The following SMAP1 variants were observed in gnomAD, a reference collection of about 807,000 sequenced individuals.
SMAP1 encodes the protein small ArfGAP 1, also known as stromal membrane-associated protein 1.
Under a neutral mutation model 58.5 loss-of-function variants are expected in SMAP1, and 24 were observed. The ratio of observed to expected loss-of-function variants is 0.41; its 90% CI spans 0.30 to 0.58. SMAP1 has a LOEUF of 0.58. Ranked by LOEUF, SMAP1 falls within the 20% of genes least tolerant of loss-of-function variation. The pLI is 0.29. For missense variants in SMAP1, 563 were observed against 566.3 expected (o/e 0.99, Z 0.06); for synonymous variants, 216 against 196.6 (o/e 1.10, Z -0.82).
intron 6 of SMAP1, among the ~76,000 whole-genome samples, chr6:70,818,961 CT>C (rs1769764626): frequency 1.3e-5 from 2 of 152,116 alleles, no homozygotes; most frequent in Non-Finnish European, 2.9e-5. Context: ...GCCATCACCG[CT>C]GTCAGTTTTA....
chr6:70,738,150 T>C (rs181830237), intron 2 of SMAP1, among the ~76,000 whole-genome samples: 1 of 152,326 alleles, frequency 6.6e-6, no homozygotes, highest in Non-Finnish European at 1.5e-5. Context: ...GTAGTTTAGA[T>C]GACTCTGAAG....
intron 4 of SMAP1, among the ~76,000 whole-genome samples, chr6:70,780,628 T>C (rs772669951): frequency 4.0e-4 from 61 of 152,220 alleles, no homozygotes; most frequent in Non-Finnish European, 5.4e-4. Context: ...CTTCCCTTGC[T>C]CACTTACCAG....
chr6:70,670,867 C>T (rs1471541040), intron 1 of SMAP1, among the ~76,000 whole-genome samples: 1 of 152,198 alleles, frequency 6.6e-6, no homozygotes, highest in Non-Finnish European at 1.5e-5. Context: ...TACTGAATCA[C>T]CAGCTGTGTT....
chr6:70,722,143 C>T (rs767594036), intron 1 of SMAP1, among the ~76,000 whole-genome samples: 32 of 152,252 alleles, frequency 2.1e-4, no homozygotes, highest in South Asian at 6.2e-4. Flanking sequence ...AGGGCAGTGC[C>T]ACATAAATAA....
At position 70,798,645 on chromosome 6, in the gene SMAP1, G is replaced by T; in HGVS notation, c.496-12G>T. 1 of 1,493,474 alleles carries T rather than the reference G, an allele frequency of 6.7e-7. No individual in the cohort carries two copies. The highest frequency in any genetic ancestry group is 8.9e-7 in the Non-Finnish European group (1 of 1,123,086). The allele number at this position is 1,493,474 out of a possible 1,614,324, so 92.5% of individuals were successfully genotyped here. A position where few individuals can be genotyped will look rare whatever the true frequency, so the allele number is the denominator to read the frequency against. On this transcript the variant is annotated splice_polypyrimidine_tract_variant and intron_variant, in intron 5 of 10. Transcript: ENST00000370455. ...AAAAGTAAACTTATCAAAACTTTGG[G>T]CTGTGTTTTAGAAAGAAAAGGAAAA...
At chr6:70,794,154 C>G (rs1768495042) in intron 5 of SMAP1, among the ~76,000 whole-genome samples, 1 of 152,218 alleles carries the variant, frequency 6.6e-6, no homozygotes, top group African/African-American at 2.4e-5. Flanking sequence ...TCAGCTGTTT[C>G]ACTACGTCAC....
At chr6:70,803,835 A>G (rs1768982561) in intron 6 of SMAP1, among the ~76,000 whole-genome samples, 1 of 152,074 alleles carries the variant, frequency 6.6e-6, no homozygotes, top group Admixed American at 6.5e-5. Flanking sequence ...TCCTAATTTG[A>G]TTGTACTGTG....
At chr6:70,714,012 A>G (rs1409406745) in intron 1 of SMAP1, among the ~76,000 whole-genome samples, 1 of 151,976 alleles carries the variant, frequency 6.6e-6, no homozygotes, top group South Asian at 2.1e-4. Context: ...TTGTCTCTAG[A>G]GACAGTTTTT....
At chr6:70,771,801 G>C (rs185372244) in intron 3 of SMAP1, among the ~76,000 whole-genome samples, 49 of 152,228 alleles carry the variant, frequency 3.2e-4, no homozygotes, top group South Asian at 8.3e-4. Flanking sequence ...AGATGAATCC[G>C]GTACCTCAGA....
chr6:70,796,952 G>A (rs1768632248), intron 5 of SMAP1, among the ~76,000 whole-genome samples: 1 of 152,022 alleles, frequency 6.6e-6, no homozygotes, highest in East Asian at 1.9e-4. Flanking sequence ...TTCTTCTTTT[G>A]TTGCAAAGCA....
chr6:70,770,947 T>C (rs6916698), intron 3 of SMAP1, among the ~76,000 whole-genome samples: 5,208 of 152,284 alleles, frequency 0.034, 321 homozygotes, highest in African/African-American at 0.12. Flanking sequence ...TCCTTTCTGT[T>C]TGTTAGTTTT....
intron 6 of SMAP1, among the ~76,000 whole-genome samples, chr6:70,818,853 T>A (rs759619724): frequency 5.3e-5 from 8 of 152,198 alleles, no homozygotes; most frequent in Non-Finnish European, 1.5e-5. Context: ...ACTTTTAAAA[T>A]ATCAACTTTA....
intron 1 of SMAP1, among the ~76,000 whole-genome samples, chr6:70,689,677 A>G (rs558138857): frequency 1.6e-4 from 25 of 152,316 alleles, no homozygotes; most frequent in South Asian, 6.2e-4. Context: ...ACATCTTTTA[A>G]TATAGAGTCT....
At chr6:70,832,676 C>A (rs1210880192) in intron 6 of SMAP1, among the ~76,000 whole-genome samples, 1 of 152,184 alleles carries the variant, frequency 6.6e-6, no homozygotes, top group South Asian at 2.1e-4. Context: ...CATGCTGTAT[C>A]ATCCCATGGT....
chr6:70,742,947 C>A (rs945414482), intron 2 of SMAP1, among the ~76,000 whole-genome samples: 1 of 152,050 alleles, frequency 6.6e-6, no homozygotes, highest in Non-Finnish European at 1.5e-5. Context: ...AGGGGAAAAC[C>A]GCCCCCATGA....
intron 1 of SMAP1, among the ~76,000 whole-genome samples, chr6:70,684,027 T>C (rs1260870722): frequency 6.6e-6 from 1 of 152,220 alleles, no homozygotes; most frequent in African/African-American, 2.4e-5. Flanking sequence ...GGAGGTAAAT[T>C]GTGGGTTTTT....
chr6:70,669,299 T>C (rs894038858), intron 1 of SMAP1, among the ~76,000 whole-genome samples: 2 of 152,212 alleles, frequency 1.3e-5, no homozygotes, highest in Non-Finnish European at 2.9e-5. Flanking sequence ...CTGTTCTATC[T>C]CAATACTATA....
At position 70,676,442 on chromosome 6, in the gene SMAP1, A is replaced by G. The variant is rs574283253; in HGVS notation, c.118+8301A>G. On this transcript the variant is annotated intron_variant, in intron 1 of 10. Transcript: ENST00000370455. ...GCTTTTATAACCTGGGGAAATTGTGATTTTATTGAGATGAGATAGGGGTGG... is the reference window on the plus strand; with the variant it reads ...GCTTTTATAACCTGGGGAAATTGTGGTTTTATTGAGATGAGATAGGGGTGG... Among the ~76,000 whole-genome samples the G allele has an allele frequency of 1.5e-4, 23 of 152,242 alleles. 1 individual carries two copies. Among genetic ancestry groups the G allele is most frequent in the Admixed American group, 1.3e-3 (20 of 15,286 alleles).
chr6:70,668,554 A>G, intron 1 of SMAP1: 1 of 1,530,036 alleles, frequency 6.5e-7, no homozygotes, highest in South Asian at 1.2e-5. Context: ...GGCCGCGCTT[A>G]GGTCTGGATC....
Sources: allele counts gnomAD v4.1 joint callset (sites outside exome capture counted in the v4.1 genomes callset), GRCh38; gene constraint gnomAD v4.1.1; transcripts MANE v1.5; gene names NCBI Gene and HGNC (gene_info 2026-07-23, HGNC 2026-07-21).